The following SLC4A5 variants were observed in gnomAD, a reference collection of about 807,000 sequenced individuals.
The protein encoded by SLC4A5 is electrogenic sodium bicarbonate cotransporter 4.
SLC4A5 carries 96 observed loss-of-function variants against 120.4 expected under a neutral mutation model. The ratio of observed to expected loss-of-function variants is 0.80; its 90% CI spans 0.68 to 0.94. SLC4A5 has a LOEUF of 0.94. SLC4A5 is among the 40% of genes least tolerant of loss of function. The probability of loss-of-function intolerance (pLI) is 0.00; values close to 1 mark genes in which losing one functional copy is unlikely to be tolerated. For synonymous variants in SLC4A5, 550 were observed against 571.1 expected, an observed-to-expected ratio of 0.96 and a Z score of 0.53; for missense variants, 1,259 against 1,459.5, an observed-to-expected ratio of 0.86 and a Z score of 2.24.
intron 26 of SLC4A5, 163 bp downstream of exon 26, chr2:74,227,647 T>C: frequency 8.1e-7 from 1 of 1,240,240 alleles, no homozygotes. Flanking sequence ...TTATTTTGCC[T>C]GATAGCATCA....
intron 20 of SLC4A5, 74 bp from the exon 21 acceptor site, chr2:74,239,609 C>A: frequency 1.4e-6 from 2 of 1,452,686 alleles, no homozygotes; most frequent in Non-Finnish European, 9.6e-7. Context: ...CCACTGCAGT[C>A]CCCAGGCAGC....
intron 4 of SLC4A5, among the ~76,000 whole-genome samples, chr2:74,332,314 C>T (rs1291908604): frequency 2.7e-5 from 4 of 149,578 alleles, no homozygotes; most frequent in South Asian, 4.3e-4. Context: ...GTGAAATTAT[C>T]GCTGAAGCAA....
chr2:74,321,657 A>G (rs1008026004), intron 5 of SLC4A5, among the ~76,000 whole-genome samples: 2 of 151,860 alleles, frequency 1.3e-5, no homozygotes, highest in African/African-American at 4.8e-5. Context: ...CAGTAAGGGA[A>G]AAAGGGAGAA....
chr2:74,227,475 A>G (rs376847139), intron 26 of SLC4A5: 5 of 1,589,828 alleles, frequency 3.1e-6, no homozygotes, highest in Non-Finnish European at 4.3e-6. Context: ...TCTTCTGCAT[A>G]GCTGCCTTAG....
In SLC4A5 at chr2:74,265,093, C is replaced by A. The variant is rs1671261144; in HGVS notation, c.562+11G>T. On this transcript the variant is annotated intron_variant, in intron 9 of 30. Transcript: ENST00000394019. ...CCACAGGAGAGATGCACACAGTGGC[C>A]CCTGCCTCACCTATGATCTGTGGTA... is the stretch of plus-strand genomic sequence containing the variant. The A allele has an allele frequency of 3.1e-6, 5 of 1,609,408 alleles. No individual in the cohort carries two copies. The highest frequency in any genetic ancestry group is 3.4e-6 in the Non-Finnish European group (4 of 1,176,892).
chr2:74,268,579 C>T (rs565951942), intron 8 of SLC4A5, among the ~76,000 whole-genome samples: 1 of 152,326 alleles, frequency 6.6e-6, no homozygotes, highest in Non-Finnish European at 1.5e-5. Context: ...TTGGAACATC[C>T]TTGGTTCCTG....
chr2:74,281,017 G>C (rs1020807872), intron 8 of SLC4A5, among the ~76,000 whole-genome samples: 4 of 152,140 alleles, frequency 2.6e-5, no homozygotes, highest in African/African-American at 7.2e-5. Context: ...GTGATTTCAG[G>C]GTTGAAACAG....
intron 7 of SLC4A5, among the ~76,000 whole-genome samples, chr2:74,303,115 T>C (rs555129191): frequency 3.3e-5 from 5 of 151,458 alleles, no homozygotes; most frequent in African/African-American, 4.9e-5. Flanking sequence ...GGTGTGTGTG[T>C]GCGTGTGTGT....
In SLC4A5 at chr2:74,241,977, A is replaced by G. The variant is rs1488182196; in HGVS notation, c.2118+17T>C. On this transcript the variant is annotated intron_variant, in intron 20 of 30. Coordinates refer to ENST00000394019, the Ensembl canonical transcript of SLC4A5. ...ACAAAAGCACTCAAATGTCTAACAT[A>G]AGAGGAAAGGACTTACCAGAGAAGC... is the stretch of plus-strand genomic sequence containing the variant. 6.3e-7 allele frequency: 1 copy of G among 1,597,910 alleles called. No individual in the cohort carries two copies. The highest frequency in any genetic ancestry group is 1.3e-5 in the African/African-American group (1 of 74,448).
At chr2:74,257,904 TAAG>T (rs1227553827) in intron 12 of SLC4A5, among the ~76,000 whole-genome samples, 1 of 152,116 alleles carries the variant, frequency 6.6e-6, no homozygotes, top group South Asian at 2.1e-4. Flanking sequence ...ATACAGAAGA[TAAG>T]AGAAATTTAA....
chr2:74,333,663 G>C (rs1673420090), intron 4 of SLC4A5, among the ~76,000 whole-genome samples: 1 of 152,166 alleles, frequency 6.6e-6, no homozygotes, highest in Non-Finnish European at 1.5e-5. Context: ...ATATCTACGG[G>C]TGGTCCTGGC....
Position 74,290,472 on chromosome 2 carries a change from G to C in SLC4A5, c.272-4570C>G, listed in dbSNP as rs13404085. ...GAAAAGGAATGTGTGAAGGACTGGG[G>C]AGGTGGAGAGAGAGGCTATATGTAG... is the stretch of plus-strand genomic sequence containing the variant. On this transcript the variant is annotated intron_variant, in intron 7 of 30. Transcript: ENST00000394019. 7.6e-3 allele frequency: 7,468 copies of C among 985,438 alleles called. 429 individuals are homozygous for C. The African/African-American group carries it at 0.12, about 16-fold the overall frequency. 61.0% of individuals were successfully genotyped at this position (985,438 alleles called of 1,614,324 possible). A position where few individuals can be genotyped will look rare whatever the true frequency, so the allele number is the denominator to read the frequency against.
exon 17 of SLC4A5, chr2:74,250,419 A>T: frequency 6.2e-7 from 1 of 1,614,228 alleles, no homozygotes; most frequent in Non-Finnish European, 8.5e-7. Flanking sequence ...GTAGATGAAT[A>T]GGATGGCAGA....
intron 6 of SLC4A5, among the ~76,000 whole-genome samples, chr2:74,304,908 A>G (rs1023289255): frequency 2.0e-5 from 3 of 152,192 alleles, no homozygotes; most frequent in Non-Finnish European, 2.9e-5. Flanking sequence ...GAATTCTGTT[A>G]GAATGAGCAG....
At chr2:74,221,259 G>A (rs575941564) in intron 30 of SLC4A5, among the ~76,000 whole-genome samples, 175 bp downstream of exon 30, 1 of 152,238 alleles carries the variant, frequency 6.6e-6, no homozygotes, top group Non-Finnish European at 1.5e-5. Flanking sequence ...AGACATACTT[G>A]TTTCTTGGCC....
At chr2:74,275,512 T>G (rs1671610736) in intron 8 of SLC4A5, among the ~76,000 whole-genome samples, 1 of 152,118 alleles carries the variant, frequency 6.6e-6, no homozygotes, top group Non-Finnish European at 1.5e-5. Context: ...CTTCACTGCC[T>G]CTCAGGAGAG....
At chr2:74,314,645 A>G (rs1672907048) in intron 6 of SLC4A5, among the ~76,000 whole-genome samples, 1 of 152,190 alleles carries the variant, frequency 6.6e-6, no homozygotes, top group African/African-American at 2.4e-5. Flanking sequence ...TAAAATGTTG[A>G]TATTTGGCAT....
chr2:74,296,644 C>T (rs1381356574), intron 7 of SLC4A5, among the ~76,000 whole-genome samples: 4 of 146,500 alleles, frequency 2.7e-5, no homozygotes, highest in African/African-American at 7.7e-5. Context: ...AAAAAATTAG[C>T]TAGGTGTGGT....
chr2:74,241,903 G>A, intron 20 of SLC4A5, 91 bp downstream of exon 20: 1 of 1,168,454 alleles, frequency 8.6e-7, no homozygotes, highest in South Asian at 1.3e-5. Flanking sequence ...AAGTCTGGGA[G>A]GCCATAAGTT....
Sources: allele counts gnomAD v4.1 joint callset (sites outside exome capture counted in the v4.1 genomes callset), GRCh38; gene constraint gnomAD v4.1.1; transcripts MANE v1.5; gene names NCBI Gene and HGNC (gene_info 2026-07-23, HGNC 2026-07-21).